The following KYNU variants were observed in gnomAD, a reference collection of about 807,000 sequenced individuals.
KYNU encodes L-kynurenine hydrolase.
KYNU carries 54 observed loss-of-function variants against 59.2 expected under a neutral mutation model. The observed-to-expected ratio is 0.91, with a 90% confidence interval of 0.73 to 1.14. KYNU has a LOEUF of 1.14. Ranked by LOEUF, KYNU falls within the 50% of genes most tolerant of loss-of-function variation. The probability of loss-of-function intolerance (pLI) is 0.00; values close to 1 mark genes in which losing one functional copy is unlikely to be tolerated. For missense variants in KYNU, 567 were observed against 554.4 expected, an observed-to-expected ratio of 1.02 and a Z score of -0.23; for synonymous variants, 177 against 192.0, an observed-to-expected ratio of 0.92 and a Z score of 0.65.
At chr2:142,892,003 C>G (rs188626219) in intron 2 of KYNU, among the ~76,000 whole-genome samples, 3 of 152,072 alleles carry the variant, frequency 2.0e-5, no homozygotes, top group Admixed American at 6.5e-5. Flanking sequence ...ACCTCCACCC[C>G]CTGAACTCAA....
In KYNU at chr2:142,885,645, T is replaced by C; in HGVS notation, c.169+109T>C. On this transcript the variant is annotated intron_variant, in intron 2 of 13. Transcript: ENST00000264170. ...ATTGTTGTATTACATAATAGAGCTG[T>C]TGCAATTATGTTTGAAAAGCAGAAG... is the stretch of plus-strand genomic sequence containing the variant. The C allele has an allele frequency of 2.9e-6, 3 of 1,023,572 alleles. No individual in the cohort carries two copies. In the South Asian group the frequency reaches 4.4e-5, roughly 15 times the overall value. 63.4% of individuals were successfully genotyped at this position (1,023,572 alleles called of 1,614,324 possible). A position where few individuals can be genotyped will look rare whatever the true frequency, so the allele number is the denominator to read the frequency against.
At chr2:142,960,810 A>G in intron 8 of KYNU, 40 bp downstream of exon 8, 2 of 1,600,220 alleles carry the variant, frequency 1.2e-6, no homozygotes, top group Middle Eastern at 1.7e-4. Flanking sequence ...TACTCCAAAC[A>G]TCACTCTACT....
chr2:142,955,989 T>C (rs1684149256), intron 5 of KYNU, among the ~76,000 whole-genome samples: 1 of 152,116 alleles, frequency 6.6e-6, no homozygotes. Context: ...AGTTTGCTGT[T>C]TCATTGATAA....
intron 12 of KYNU, among the ~76,000 whole-genome samples, chr2:143,038,953 G>A (rs967151522): frequency 2.0e-5 from 3 of 152,134 alleles, no homozygotes; most frequent in African/African-American, 4.8e-5. Context: ...TCTGTTTGCA[G>A]TTCATTTAGT....
At chr2:142,942,604 AAAT>A (rs1173935957) in intron 4 of KYNU, among the ~76,000 whole-genome samples, 2 of 152,228 alleles carry the variant, frequency 1.3e-5, no homozygotes, top group Non-Finnish European at 2.9e-5. Context: ...TCTTTAGAAG[AAAT>A]AATTCAACTG....
intron 13 of KYNU, 118 bp from the exon 14 acceptor site, chr2:143,041,929 T>G: frequency 1.0e-6 from 1 of 1,003,204 alleles, no homozygotes; most frequent in African/African-American, 1.6e-5. Flanking sequence ...AAATTTTGCA[T>G]ATATATTAAT....
At chr2:142,984,415 G>C (rs758768152) in intron 8 of KYNU, among the ~76,000 whole-genome samples, 1 of 151,906 alleles carries the variant, frequency 6.6e-6, no homozygotes, top group South Asian at 2.1e-4. Context: ...TTGTTTTATT[G>C]AAGTGACACT....
At position 143,049,971 on chromosome 2, in the gene KYNU, G is replaced by T. The variant is rs1050603461; in HGVS notation, c.*7799G>T. 2.7e-5 allele frequency: 4 copies of T among 149,102 alleles called. No individual in the cohort carries two copies. The highest frequency in any genetic ancestry group is 9.8e-5 in the African/African-American group (4 of 40,758). The allele number at this position is 149,102 out of a possible 1,614,324, so 9.2% of individuals were successfully genotyped here. A position where few individuals can be genotyped will look rare whatever the true frequency, so the allele number is the denominator to read the frequency against. ...AGAACACTTTAAATTCTTGTTTTCG[G>T]TTTTTTTCCAATCACATAAGTAGGA... On this transcript the variant is annotated 3_prime_UTR_variant, in exon 14 of 14. Coordinates refer to ENST00000264170, the MANE Select transcript of KYNU (RefSeq NM_003937.3).
At chr2:142,899,903 G>A (rs914492221) in intron 2 of KYNU, among the ~76,000 whole-genome samples, 1 of 152,176 alleles carries the variant, frequency 6.6e-6, no homozygotes, top group Non-Finnish European at 1.5e-5. Flanking sequence ...TCTGATGGGT[G>A]CTATCAATGC....
At chr2:142,923,028 C>T (rs1172666025) in intron 3 of KYNU, among the ~76,000 whole-genome samples, 1 of 152,168 alleles carries the variant, frequency 6.6e-6, no homozygotes, top group African/African-American at 2.4e-5. Flanking sequence ...ACACCTGCCT[C>T]CCACCTGTTT....
chr2:142,908,505 A>T (rs924098083), intron 2 of KYNU, among the ~76,000 whole-genome samples: 2 of 150,030 alleles, frequency 1.3e-5, no homozygotes, highest in Non-Finnish European at 3.0e-5. Flanking sequence ...ATTTTTTTTA[A>T]AAAAAATATG....
At chr2:143,009,271 AC>A (rs1281048480) in intron 10 of KYNU, among the ~76,000 whole-genome samples, 3 of 72,746 alleles carry the variant, frequency 4.1e-5, no homozygotes, top group Non-Finnish European at 7.3e-5. Context: ...ATCAGAGAAT[AC>A]TACAAACACC....
At chr2:142,880,887 T>G (rs1681272829) in intron 1 of KYNU, among the ~76,000 whole-genome samples, 1 of 152,236 alleles carries the variant, frequency 6.6e-6, no homozygotes. Flanking sequence ...AGAATCAAGT[T>G]TCAGGCATAG....
chr2:142,939,617 A>AT (rs956553940), intron 4 of KYNU, among the ~76,000 whole-genome samples: 1 of 150,140 alleles, frequency 6.7e-6, no homozygotes, highest in East Asian at 1.9e-4. Context: ...AAAAAAAAAA[A>AT]AAAAAGAAAA....
intron 4 of KYNU, among the ~76,000 whole-genome samples, chr2:142,936,813 G>A (rs1444404448): frequency 1.3e-5 from 2 of 152,194 alleles, no homozygotes; most frequent in Non-Finnish European, 2.9e-5. Flanking sequence ...TCTGGCTGCT[G>A]TGGCCTACTC....
At chr2:143,004,901 G>A (rs1184859005) in intron 10 of KYNU, among the ~76,000 whole-genome samples, 1 of 152,072 alleles carries the variant, frequency 6.6e-6, no homozygotes, top group African/African-American at 2.4e-5. Context: ...TCTACTAACG[G>A]GGTCACTAGT....
intron 8 of KYNU, among the ~76,000 whole-genome samples, chr2:142,963,545 A>G (rs1243905234): frequency 6.6e-6 from 1 of 152,130 alleles, no homozygotes; most frequent in East Asian, 1.9e-4. Flanking sequence ...CCTCTAATAC[A>G]AAGGGACAAA....
intron 3 of KYNU, among the ~76,000 whole-genome samples, chr2:142,922,397 C>T (rs767626986): frequency 5.3e-5 from 8 of 151,924 alleles, no homozygotes; most frequent in Admixed American, 2.6e-4. Context: ...CCCAGCTATT[C>T]GTGAGGTTGA....
chr2:143,026,685 C>T (rs1233061084), intron 10 of KYNU, among the ~76,000 whole-genome samples: 1 of 152,224 alleles, frequency 6.6e-6, no homozygotes, highest in Non-Finnish European at 1.5e-5. Context: ...ACCGGGGGTG[C>T]CTGCGACTCT....
Sources: gnomAD v4.1 joint callset for allele counts (sites outside exome capture counted in the v4.1 genomes callset) on GRCh38, gnomAD v4.1.1 for gene constraint, MANE v1.5 for transcripts, NCBI Gene and HGNC (gene_info 2026-07-23, HGNC 2026-07-21) for gene names.